Variants in ZNF385D observed in about 807,000 individuals in gnomAD.
ZNF385D encodes the protein zinc finger protein 659.
ZNF385D carries 15 observed loss-of-function variants against 35.8 expected under a neutral mutation model. The observed-to-expected ratio is 0.42, with a 90% CI of 0.28 to 0.64. The LOEUF is 0.64. Among genes scored for constraint, ZNF385D ranks in the 30% least tolerant of loss-of-function variants. The pLI is 0.23. For synonymous variants in ZNF385D, 212 were observed against 186.8 expected (o/e 1.13, Z -1.10); for missense variants, 474 against 494.6 (o/e 0.96, Z 0.39).
At chr3:22,194,006 A>G (rs551999515) in intron 2 of ZNF385D, among the ~76,000 whole-genome samples, 1 of 152,002 alleles carries the variant, frequency 6.6e-6, no homozygotes, top group Admixed American at 6.6e-5. Context: ...AGCTATGACA[A>G]TTTTTATTTT....
At chr3:21,714,420 A>C (rs949076203) in intron 1 of ZNF385D, among the ~76,000 whole-genome samples, 1 of 152,186 alleles carries the variant, frequency 6.6e-6, no homozygotes, top group African/African-American at 2.4e-5. Context: ...GCCTCACTAA[A>C]GAATGGAAAC....
At chr3:21,690,376 A>G (rs991450082) in intron 1 of ZNF385D, among the ~76,000 whole-genome samples, 1 of 152,186 alleles carries the variant, frequency 6.6e-6, no homozygotes, top group Non-Finnish European at 1.5e-5. Context: ...TAGGAGTCCT[A>G]CTATCTGACC....
At chr3:22,048,980 T>C (rs1340582685) in intron 3 of ZNF385D, among the ~76,000 whole-genome samples, 11 of 152,142 alleles carry the variant, frequency 7.2e-5, no homozygotes, top group African/African-American at 2.4e-4. Context: ...CTTTGTTGGA[T>C]AGTTCATTGT....
intron 3 of ZNF385D, among the ~76,000 whole-genome samples, chr3:21,978,963 A>C (rs2336520): frequency 0.25 from 38,335 of 152,142 alleles, 5,289 homozygotes; most frequent in East Asian, 0.33. Context: ...AAAATTGGAA[A>C]TTTAAATTTG....
intron 2 of ZNF385D, among the ~76,000 whole-genome samples, chr3:22,183,865 A>C (rs955482338): frequency 6.6e-6 from 1 of 150,638 alleles, no homozygotes; most frequent in Admixed American, 6.6e-5. Flanking sequence ...TTTTCAACAA[A>C]TTTTTTTTTG....
chr3:21,581,886 G>A (rs1182872407), intron 2 of ZNF385D, among the ~76,000 whole-genome samples: 1 of 152,114 alleles, frequency 6.6e-6, no homozygotes, highest in Non-Finnish European at 1.5e-5. Context: ...TCAACTCGAT[G>A]TTTAAAATCC....
chr3:21,771,628 T>C (rs1575621689), intron 3 of ZNF385D, among the ~76,000 whole-genome samples: 1 of 151,336 alleles, frequency 6.6e-6, no homozygotes, highest in Non-Finnish European at 1.5e-5. Context: ...AGAATGTGAA[T>C]AAAATAGAGA....
intron 3 of ZNF385D, among the ~76,000 whole-genome samples, chr3:21,757,203 C>A (rs1011029193): frequency 3.6e-5 from 5 of 140,516 alleles, no homozygotes; most frequent in Admixed American, 1.5e-4. Flanking sequence ...GCAATCTCAG[C>A]TCACCACAAC....
chr3:21,457,360 TTG>T (rs1702889706), intron 4 of ZNF385D, among the ~76,000 whole-genome samples: 1 of 151,986 alleles, frequency 6.6e-6, no homozygotes, highest in Non-Finnish European at 1.5e-5. Flanking sequence ...GTTGTTGTTG[TTG>T]TTGTTGTTGT....
chr3:22,223,777 G>A (rs1300028785), intron 2 of ZNF385D, among the ~76,000 whole-genome samples: 3 of 152,132 alleles, frequency 2.0e-5, no homozygotes, highest in Non-Finnish European at 4.4e-5. Context: ...TTGAGTGTGT[G>A]TACCATAATG....
intron 3 of ZNF385D, among the ~76,000 whole-genome samples, chr3:22,072,422 T>C (rs189923266): frequency 6.6e-6 from 1 of 152,202 alleles, no homozygotes; most frequent in Admixed American, 6.6e-5. Context: ...TCAAGCAGAA[T>C]GAAGCACTCT....
chr3:21,720,817 A>G (rs1303246959), intron 1 of ZNF385D, among the ~76,000 whole-genome samples: 3 of 152,138 alleles, frequency 2.0e-5, no homozygotes, highest in Non-Finnish European at 4.4e-5. Flanking sequence ...AAGACCTTCT[A>G]TTGTAGGGTA....
At chr3:21,885,720 A>G (rs1013531324) in intron 3 of ZNF385D, among the ~76,000 whole-genome samples, 4 of 142,462 alleles carry the variant, frequency 2.8e-5, no homozygotes, top group Non-Finnish European at 6.1e-5. Flanking sequence ...CCATGGAAAT[A>G]GAACAGGGTG....
intron 1 of ZNF385D, among the ~76,000 whole-genome samples, chr3:21,683,151 C>G (rs2066970408): frequency 6.7e-6 from 1 of 149,554 alleles, no homozygotes; most frequent in Non-Finnish European, 1.5e-5. Context: ...AACACTGAGG[C>G]CAGAGAACAC....
intron 3 of ZNF385D, among the ~76,000 whole-genome samples, chr3:21,883,959 G>A (rs1698407621): frequency 6.6e-6 from 1 of 151,960 alleles, no homozygotes; most frequent in Non-Finnish European, 1.5e-5. Context: ...CTTTCAAAGG[G>A]AATCGGTTTG....
At chr3:22,108,251 C>T (rs1218001709) in intron 3 of ZNF385D, among the ~76,000 whole-genome samples, 1 of 152,110 alleles carries the variant, frequency 6.6e-6, no homozygotes, top group East Asian at 1.9e-4. Flanking sequence ...TTTACAGTAG[C>T]AACTTCTTAC....
intron 3 of ZNF385D, among the ~76,000 whole-genome samples, chr3:21,560,373 G>T (rs964872032): frequency 6.6e-6 from 1 of 152,162 alleles, no homozygotes; most frequent in African/African-American, 2.4e-5. Context: ...TGATGTTGAT[G>T]TTATTCATTT....
At chr3:22,173,531 C>A (rs1694607651) in intron 2 of ZNF385D, among the ~76,000 whole-genome samples, 1 of 152,050 alleles carries the variant, frequency 6.6e-6, no homozygotes, top group African/African-American at 2.4e-5. Context: ...CTCTCCTTGA[C>A]AATAAAACAG....
chr3:22,318,486 G>A (rs780375069), intron 2 of ZNF385D, among the ~76,000 whole-genome samples: 2 of 152,122 alleles, frequency 1.3e-5, no homozygotes, highest in Non-Finnish European at 2.9e-5. Flanking sequence ...TGGAGATGTG[G>A]AGAATAAACT....
Sources: allele counts gnomAD v4.1 joint callset (sites outside exome capture counted in the v4.1 genomes callset), GRCh38; gene constraint gnomAD v4.1.1; transcripts MANE v1.5; gene names NCBI Gene and HGNC (gene_info 2026-07-23, HGNC 2026-07-21).